KSR2: variants seen among roughly 807,000 people sequenced by gnomAD.
KSR2 encodes kinase suppressor of ras 2.
KSR2 carries 25 observed loss-of-function variants against 107.8 expected under a neutral mutation model. The ratio of observed to expected loss-of-function variants is 0.23; its 90% CI spans 0.17 to 0.32. KSR2 has a LOEUF of 0.32. Among genes scored for constraint, KSR2 ranks in the 10% least tolerant of loss-of-function variants. KSR2 has a pLI of 1.00. For synonymous variants in KSR2, 480 were observed against 507.0 expected (o/e 0.95, Z 0.71); for missense variants, 887 against 1,268.9 (o/e 0.70, Z 4.57).
At chr12:117,844,680 C>T (rs1374008471) in intron 3 of KSR2, among the ~76,000 whole-genome samples, 1 of 152,074 alleles carries the variant, frequency 6.6e-6, no homozygotes, top group Admixed American at 6.5e-5. Context: ...AGTACACACA[C>T]CCAAGGACTT....
At chr12:117,826,072 T>G (rs1593274424) in intron 3 of KSR2, among the ~76,000 whole-genome samples, 1 of 151,326 alleles carries the variant, frequency 6.6e-6, no homozygotes, top group South Asian at 2.1e-4. Flanking sequence ...CATGAATGGG[T>G]GGGTGTATGG....
chr12:117,901,447 C>T (rs544982037), intron 1 of KSR2, among the ~76,000 whole-genome samples: 155 of 151,854 alleles, frequency 1.0e-3, no homozygotes, highest in African/African-American at 3.1e-3. Context: ...GGACTACAGA[C>T]GCCTGCCACC....
intron 1 of KSR2, among the ~76,000 whole-genome samples, chr12:117,932,088 A>G (rs1895709783): frequency 6.6e-6 from 1 of 151,478 alleles, no homozygotes; most frequent in Non-Finnish European, 1.5e-5. Flanking sequence ...GGAGTTTGAG[A>G]CCAACCTGGT....
chr12:117,516,188 GTCCATGACT>G (rs1874367629), intron 14 of KSR2, among the ~76,000 whole-genome samples: 1 of 152,144 alleles, frequency 6.6e-6, no homozygotes, highest in Non-Finnish European at 1.5e-5. Context: ...TTCAGAAGAA[GTCCATGACT>G]TCCATCACCA....
At chr12:117,869,245 G>A (rs558296939) in intron 1 of KSR2, among the ~76,000 whole-genome samples, 8 of 152,020 alleles carry the variant, frequency 5.3e-5, no homozygotes, top group Non-Finnish European at 8.8e-5. Flanking sequence ...GGTGGCGGGC[G>A]CCTATAATCC....
chr12:117,748,422 A>G (rs534283917), intron 4 of KSR2, among the ~76,000 whole-genome samples: 2 of 152,138 alleles, frequency 1.3e-5, no homozygotes, highest in Non-Finnish European at 2.9e-5. Context: ...ATATTTCAAA[A>G]CCACTGAGAG....
rs991128426 is a variant in KSR2, at chr12:117,842,418, G to C, written c.472+13010C>G. Among the ~76,000 whole-genome samples, 1 of 152,158 alleles carries C rather than the reference G, an allele frequency of 6.6e-6. No individual in the cohort carries two copies. Among genetic ancestry groups the C allele is most frequent in the Non-Finnish European group, 1.5e-5 (1 of 68,016 alleles). ...CAGGCGTTGTGAAGAAGAGAGGGTA[G>C]CTGGGTGCAATGAGCCAGTGAAAAC... On this transcript the variant is annotated intron_variant, in intron 3 of 19. Coordinates refer to ENST00000339824, the MANE Select transcript of KSR2 (RefSeq NM_173598.6). The surrounding 1 kb of genome is among the most constrained non-coding windows in gnomAD (Gnocchi z 4.2).
At chr12:117,930,647 G>A (rs1895668361) in intron 1 of KSR2, among the ~76,000 whole-genome samples, 1 of 152,174 alleles carries the variant, frequency 6.6e-6, no homozygotes, top group Non-Finnish European at 1.5e-5. Context: ...TGGGCGCAGT[G>A]GCTCATGCCT....
intron 4 of KSR2, among the ~76,000 whole-genome samples, chr12:117,673,568 T>C (rs577633651): frequency 6.6e-6 from 1 of 152,222 alleles, no homozygotes; most frequent in East Asian, 1.9e-4. Flanking sequence ...CATGGCTATT[T>C]GATTAGAGTA....
chr12:117,862,157 G>A (rs1893321514), intron 1 of KSR2, among the ~76,000 whole-genome samples: 1 of 151,646 alleles, frequency 6.6e-6, no homozygotes, highest in South Asian at 2.1e-4. Flanking sequence ...GAACTCCCTG[G>A]CTCAAGAGAG....
chr12:117,738,908 G>A (rs762066347), intron 4 of KSR2, among the ~76,000 whole-genome samples: 1 of 151,872 alleles, frequency 6.6e-6, no homozygotes, highest in Non-Finnish European at 1.5e-5. Context: ...CCTGTGCAGG[G>A]CACTTACCAT....
At chr12:117,901,749 C>T (rs1398885993) in intron 1 of KSR2, among the ~76,000 whole-genome samples, 1 of 152,146 alleles carries the variant, frequency 6.6e-6, no homozygotes, top group African/African-American at 2.4e-5. Context: ...CATTTCCAGT[C>T]AGCCCATTAT....
chr12:117,649,063 C>A (rs1883778651), intron 5 of KSR2, among the ~76,000 whole-genome samples: 1 of 152,226 alleles, frequency 6.6e-6, no homozygotes, highest in Non-Finnish European at 1.5e-5. Context: ...CACCTCCCAA[C>A]AATCAACAGT....
intron 6 of KSR2, among the ~76,000 whole-genome samples, chr12:117,580,745 A>C (rs373317211): frequency 6.6e-6 from 1 of 152,316 alleles, no homozygotes; most frequent in East Asian, 1.9e-4. Flanking sequence ...TCAGCTTTTG[A>C]ATCTTAGGGA....
At chr12:117,864,178 C>T (rs1893399871) in intron 1 of KSR2, among the ~76,000 whole-genome samples, 3 of 152,152 alleles carry the variant, frequency 2.0e-5, no homozygotes, top group Admixed American at 2.0e-4. Context: ...GTCAGGGCCC[C>T]ATGAGACAAC....
chr12:117,489,638 G>A (rs369214003), intron 14 of KSR2, among the ~76,000 whole-genome samples: 5 of 151,942 alleles, frequency 3.3e-5, no homozygotes, highest in African/African-American at 4.8e-5. Flanking sequence ...AATGTAAAGC[G>A]GCACTGATAC....
intron 7 of KSR2, 62 bp from the exon 8 acceptor site, chr12:117,558,635 G>GTGGGTGGATGAATGGATGGA (rs1877875463): frequency 7.9e-7 from 1 of 1,264,532 alleles, no homozygotes; most frequent in East Asian, 2.3e-5. Flanking sequence ...GGGTAGGTGG[G>GTGGGTGGATGAATGGATGGA]TGGGTGGATG....
At chr12:117,638,163 T>TTTTTA (rs10629686) in intron 5 of KSR2, among the ~76,000 whole-genome samples, 1 of 151,414 alleles carries the variant, frequency 6.6e-6, no homozygotes, top group Non-Finnish European at 1.5e-5. Context: ...TTTAAAATCT[T>TTTTTA]TTTATTTAGA....
intron 4 of KSR2, among the ~76,000 whole-genome samples, chr12:117,717,667 G>A (rs1363840598): frequency 3.3e-4 from 1 of 3,052 alleles, no homozygotes; most frequent in African/African-American, 7.1e-4. Context: ...GGGCAGACAG[G>A]TGTGTGTGTG....
Sources: gnomAD v4.1 joint callset for allele counts (sites outside exome capture counted in the v4.1 genomes callset) on GRCh38, gnomAD v4.1.1 for gene constraint, Gnocchi (gnomAD v3.1) non-coding constraint, MANE v1.5 for transcripts, NCBI Gene and HGNC (gene_info 2026-07-23, HGNC 2026-07-21) for gene names.